Variants in SLIT3 observed in about 807,000 individuals in gnomAD.
SLIT3 encodes the protein slit homolog 3 protein.
SLIT3 carries 68 observed loss-of-function variants against 184.0 expected under a neutral mutation model. The ratio of observed to expected loss-of-function variants is 0.37; its 90% CI spans 0.30 to 0.45. The LOEUF is 0.45. Among genes scored for constraint, SLIT3 ranks in the 20% least tolerant of loss-of-function variants. The pLI is 1.00. For synonymous variants in SLIT3, 831 were observed against 828.6 expected, an observed-to-expected ratio of 1.00 and a Z score of -0.05; for missense variants, 1,707 against 2,026.0, an observed-to-expected ratio of 0.84 and a Z score of 3.02.
At chr5:168,912,524 A>T (rs1246966780) in intron 4 of SLIT3, among the ~76,000 whole-genome samples, 1 of 152,220 alleles carries the variant, frequency 6.6e-6, no homozygotes, top group Non-Finnish European at 1.5e-5. Context: ...GCCAGAAAGC[A>T]GTAGAGTCAA....
At chr5:168,755,436 T>TTTCTTG (rs1754900996) in intron 16 of SLIT3, among the ~76,000 whole-genome samples, 1 of 84,624 alleles carries the variant, frequency 1.2e-5, no homozygotes. Context: ...TTTCTTTCTT[T>TTTCTTG]CTTTCTTTCT....
intron 5 of SLIT3, among the ~76,000 whole-genome samples, chr5:168,849,534 T>C (rs1257629886): frequency 6.6e-6 from 1 of 152,150 alleles, no homozygotes; most frequent in African/African-American, 2.4e-5. Context: ...AAGTCAACAG[T>C]CATGAAATCC....
At chr5:168,670,964 A>G (rs1337598046) in intron 34 of SLIT3, among the ~76,000 whole-genome samples, 1 of 152,052 alleles carries the variant, frequency 6.6e-6, no homozygotes, top group African/African-American at 2.4e-5. Context: ...GCCACCTGGC[A>G]GAGACTAGTG....
intron 1 of SLIT3, among the ~76,000 whole-genome samples, chr5:169,284,284 A>C (rs1415048723): frequency 1.3e-5 from 2 of 152,212 alleles, no homozygotes; most frequent in Non-Finnish European, 2.9e-5. Context: ...GTGTCAAAAT[A>C]GTGTACTGTC....
chr5:168,713,667 T>C (rs1250343936), intron 23 of SLIT3, among the ~76,000 whole-genome samples: 1 of 152,132 alleles, frequency 6.6e-6, no homozygotes, highest in Non-Finnish European at 1.5e-5. Context: ...GCTCTTCTTC[T>C]CCCTTCAACT....
Position 168,700,665 on chromosome 5 carries a change from A to G in SLIT3, c.2859T>C (p.Thr953=), listed in dbSNP as rs1203859802. Residue 953 remains threonine (T), a synonymous_variant, in exon 27 of 36, where the codon ACT becomes ACC. Transcript: ENST00000519560. The stretch of plus-strand genomic sequence containing the variant: ...TCTGGATGCAGGTGTTGATGGGCAC[A>G]GTGCAGTCCTTGCCCTGAGGAGCAA... ...CPYSYKGKDC[T]VPINTCIQNP... 1 of 1,614,026 alleles carries G rather than the reference A, an allele frequency of 6.2e-7. No individual in the cohort carries two copies. Among genetic ancestry groups the G allele is most frequent in the Non-Finnish European group, 8.5e-7 (1 of 1,179,898 alleles).
chr5:169,134,281 C>G (rs1036380352), intron 4 of SLIT3, among the ~76,000 whole-genome samples: 2 of 152,240 alleles, frequency 1.3e-5, no homozygotes, highest in Non-Finnish European at 2.9e-5. Flanking sequence ...TAAGGTCTAA[C>G]AGGAGTGGGC....
chr5:168,848,875 C>G (rs1266562622), intron 5 of SLIT3, among the ~76,000 whole-genome samples: 1 of 152,138 alleles, frequency 6.6e-6, no homozygotes, highest in Non-Finnish European at 1.5e-5. Context: ...TCATCTCTTT[C>G]AATTACAATG....
At chr5:169,173,605 C>T (rs1762882056) in intron 4 of SLIT3, among the ~76,000 whole-genome samples, 1 of 152,184 alleles carries the variant, frequency 6.6e-6, no homozygotes, top group Non-Finnish European at 1.5e-5. Flanking sequence ...GCAGTTACCA[C>T]AGCAGTCTTG....
At chr5:169,250,862 A>T (rs1289745590) in intron 2 of SLIT3, among the ~76,000 whole-genome samples, 1 of 152,230 alleles carries the variant, frequency 6.6e-6, no homozygotes, top group Non-Finnish European at 1.5e-5. Context: ...AATATTCAGC[A>T]ATGAAACCTA....
intron 3 of SLIT3, among the ~76,000 whole-genome samples, chr5:169,212,428 C>T (rs57478761): frequency 0.31 from 46,529 of 151,876 alleles, 8,122 homozygotes; most frequent in East Asian, 0.69. Context: ...TTTTGAGAAG[C>T]GTCTGTTCAT....
chr5:169,211,993 T>C (rs1764281433), intron 3 of SLIT3, among the ~76,000 whole-genome samples: 1 of 150,686 alleles, frequency 6.6e-6, no homozygotes, highest in African/African-American at 2.4e-5. Flanking sequence ...TAGTATTCCA[T>C]GGTGTATTTT....
chr5:168,712,004 G>T (rs1762574140), intron 24 of SLIT3, among the ~76,000 whole-genome samples: 1 of 152,154 alleles, frequency 6.6e-6, no homozygotes, highest in Admixed American at 6.5e-5. Context: ...ACAGTTGTAA[G>T]AAATAAATAG....
At chr5:168,943,987 G>A (rs549133491) in intron 4 of SLIT3, among the ~76,000 whole-genome samples, 3 of 152,254 alleles carry the variant, frequency 2.0e-5, no homozygotes, top group East Asian at 1.9e-4. Flanking sequence ...CCATTCACTC[G>A]GTTTTACCCC....
At chr5:169,107,838 C>G (rs760282678) in intron 4 of SLIT3, among the ~76,000 whole-genome samples, 1 of 152,256 alleles carries the variant, frequency 6.6e-6, no homozygotes, top group South Asian at 2.1e-4. Context: ...ACTGCCTCCC[C>G]TCATGCCCTA....
chr5:168,925,802 C>T (rs941817455), intron 4 of SLIT3, among the ~76,000 whole-genome samples: 4 of 152,112 alleles, frequency 2.6e-5, no homozygotes, highest in Non-Finnish European at 4.4e-5. Context: ...AAGAGAATGT[C>T]GTTTGTTATA....
At chr5:168,728,705 G>C (rs1471860923) in intron 20 of SLIT3, among the ~76,000 whole-genome samples, 2 of 152,044 alleles carry the variant, frequency 1.3e-5, no homozygotes, top group African/African-American at 4.8e-5. Flanking sequence ...GACTGCTTGA[G>C]CCCAGGAATT....
intron 3 of SLIT3, among the ~76,000 whole-genome samples, chr5:169,218,064 G>A (rs1764504894): frequency 6.6e-6 from 1 of 152,306 alleles, no homozygotes; most frequent in East Asian, 1.9e-4. Flanking sequence ...GGAGGTCTCC[G>A]AGTAGTGAAG....
At chr5:169,270,555 C>T (rs1244334182) in intron 1 of SLIT3, among the ~76,000 whole-genome samples, 4 of 152,098 alleles carry the variant, frequency 2.6e-5, no homozygotes, top group Admixed American at 2.0e-4. Context: ...GCTGCCTTCA[C>T]GCGACAGGGG....
Sources: allele counts gnomAD v4.1 joint callset (sites outside exome capture counted in the v4.1 genomes callset), GRCh38; gene constraint gnomAD v4.1.1; transcripts MANE v1.5; gene names NCBI Gene and HGNC (gene_info 2026-07-23, HGNC 2026-07-21).